KIAA0319L: variants seen among roughly 807,000 people sequenced by gnomAD.
KIAA0319L encodes dyslexia-associated protein KIAA0319-like protein.
A neutral mutation model predicts 120.1 loss-of-function variants in KIAA0319L; 55 were observed. That is an observed-to-expected ratio of 0.46 (90% CI 0.37 to 0.57). The LOEUF (loss-of-function observed/expected upper bound fraction) is 0.57, where lower values mean the gene tolerates loss of function less well. Ranked by LOEUF, KIAA0319L falls within the 20% of genes least tolerant of loss-of-function variation. KIAA0319L has a pLI of 0.00. For synonymous variants in KIAA0319L, 398 were observed against 471.9 expected (o/e 0.84, Z 2.03); for missense variants, 1,049 against 1,255.3 (o/e 0.84, Z 2.48).
intron 2 of KIAA0319L, among the ~76,000 whole-genome samples, chr1:35,540,097 G>C (rs1646733469): frequency 6.6e-6 from 1 of 152,202 alleles, no homozygotes; most frequent in South Asian, 2.1e-4. Context: ...ATCTGCTGAG[G>C]GAGTTTAAAA....
chr1:35,555,114 G>T (rs976646718), intron 1 of KIAA0319L: 1 of 152,042 alleles, frequency 6.6e-6, no homozygotes, highest in African/African-American at 2.4e-5. Context: ...AGATACTTAC[G>T]TCAGGCACTA....
intron 2 of KIAA0319L, among the ~76,000 whole-genome samples, chr1:35,539,075 T>G (rs561212921): frequency 1.8e-4 from 28 of 152,262 alleles, no homozygotes; most frequent in African/African-American, 6.7e-4. Flanking sequence ...CTCTCTTTCT[T>G]TGACACACAC....
chr1:35,503,230 T>G (rs1558506274), intron 3 of KIAA0319L, among the ~76,000 whole-genome samples: 1 of 152,198 alleles, frequency 6.6e-6, no homozygotes, highest in Non-Finnish European at 1.5e-5. Context: ...ACAATTTCCT[T>G]CTACCCAGTA....
rs578150903 is a variant in KIAA0319L, at chr1:35,517,098, T to C, written c.143-9963A>G. On this transcript the variant is annotated intron_variant, in intron 2 of 20. Coordinates refer to ENST00000325722, the MANE Select transcript of KIAA0319L (RefSeq NM_024874.5). ...TGGAAAAACATGCCATGCTCATGAA[T>C]AGGAAGAATCAATATCATTAAAATG... Among the ~76,000 whole-genome samples, 8 of 152,230 alleles carry C rather than the reference T, an allele frequency of 5.3e-5. No individual in the cohort carries two copies. The South Asian group carries it at 1.7e-3, about 32-fold the overall frequency.
intron 2 of KIAA0319L, among the ~76,000 whole-genome samples, chr1:35,544,770 A>C (rs1646920770): frequency 6.6e-6 from 1 of 152,212 alleles, no homozygotes; most frequent in South Asian, 2.1e-4. Flanking sequence ...GCCATAATGG[A>C]GTAGCTGATA....
At chr1:35,515,672 C>G (rs946190355) in intron 2 of KIAA0319L, among the ~76,000 whole-genome samples, 2 of 151,934 alleles carry the variant, frequency 1.3e-5, no homozygotes, top group African/African-American at 4.8e-5. Context: ...AAATCAAACC[C>G]AAAGCTAGTA....
chr1:35,507,830 A>G (rs887451198), intron 2 of KIAA0319L, among the ~76,000 whole-genome samples: 11 of 152,248 alleles, frequency 7.2e-5, no homozygotes, highest in African/African-American at 2.2e-4. Flanking sequence ...TCATGTCATG[A>G]TAAGAAATAA....
intron 15 of KIAA0319L, 37 bp downstream of exon 15, chr1:35,449,830 A>G: frequency 6.2e-7 from 1 of 1,609,776 alleles, no homozygotes; most frequent in Non-Finnish European, 8.5e-7. Context: ...TGGCTGATTC[A>G]GCAATTCTAC....
chr1:35,539,385 C>A (rs1197444653), intron 2 of KIAA0319L, among the ~76,000 whole-genome samples: 1 of 152,230 alleles, frequency 6.6e-6, no homozygotes, highest in Admixed American at 6.5e-5. Flanking sequence ...GGGGCCAACT[C>A]CTCCCTTTAA....
intron 3 of KIAA0319L, among the ~76,000 whole-genome samples, chr1:35,486,591 A>C (rs1258295315): frequency 6.6e-6 from 1 of 151,582 alleles, no homozygotes; most frequent in Admixed American, 6.6e-5. Flanking sequence ...GAAATTCTTC[A>C]TCTGTTTACT....
intron 3 of KIAA0319L, among the ~76,000 whole-genome samples, chr1:35,501,345 T>C (rs139127275): frequency 2.0e-5 from 3 of 152,298 alleles, no homozygotes; most frequent in African/African-American, 7.2e-5. Context: ...TATCCTATAG[T>C]ATGCTGGAGG....
At chr1:35,466,146 T>C (rs2149115738) in intron 7 of KIAA0319L, among the ~76,000 whole-genome samples, 1 of 152,336 alleles carries the variant, frequency 6.6e-6, no homozygotes, top group South Asian at 2.1e-4. Context: ...TTTAAAAGAA[T>C]GACATGATTT....
intron 20 of KIAA0319L, chr1:35,440,139 C>T (rs1306521701): frequency 6.6e-6 from 1 of 152,138 alleles, no homozygotes; most frequent in Non-Finnish European, 1.5e-5. Context: ...TTTCAAGCCC[C>T]ACCACCTCCA....
intron 6 of KIAA0319L, among the ~76,000 whole-genome samples, chr1:35,470,260 A>T (rs549086712): frequency 6.6e-6 from 1 of 152,176 alleles, no homozygotes; most frequent in African/African-American, 2.4e-5. Flanking sequence ...TGGAAGGCTG[A>T]GATGGGAGGA....
intron 2 of KIAA0319L, among the ~76,000 whole-genome samples, chr1:35,547,261 T>C (rs1269389884): frequency 6.7e-6 from 1 of 148,508 alleles, no homozygotes; most frequent in African/African-American, 2.5e-5. Context: ...ATTGCATATA[T>C]ATTTTACTAT....
chr1:35,551,875 C>T (rs6702932), intron 2 of KIAA0319L, among the ~76,000 whole-genome samples: 11,873 of 152,132 alleles, frequency 0.078, 1,114 homozygotes, highest in East Asian at 0.44. Flanking sequence ...AATTAGGGTG[C>T]TGTTTTTAAG....
At chr1:35,518,977 CAA>C (rs766877681) in intron 2 of KIAA0319L, among the ~76,000 whole-genome samples, 38 of 59,748 alleles carry the variant, frequency 6.4e-4, no homozygotes, top group African/African-American at 9.5e-4. Flanking sequence ...GACTCTGTCT[CAA>C]AAAAAAAAAA....
chr1:35,546,129 G>A (rs543849966), intron 2 of KIAA0319L, among the ~76,000 whole-genome samples: 1 of 152,266 alleles, frequency 6.6e-6, no homozygotes, highest in South Asian at 2.1e-4. Flanking sequence ...TGAGCACACA[G>A]GTTACAAGTG....
At chr1:35,555,726 G>T (rs571177012) in intron 1 of KIAA0319L, among the ~76,000 whole-genome samples, 1 of 152,326 alleles carries the variant, frequency 6.6e-6, no homozygotes, top group South Asian at 2.1e-4. Flanking sequence ...GCATGTATGG[G>T]TGTGTATGAA....
Sources: gnomAD v4.1 joint callset for allele counts (sites outside exome capture counted in the v4.1 genomes callset) on GRCh38, gnomAD v4.1.1 for gene constraint, MANE v1.5 for transcripts, NCBI Gene and HGNC (gene_info 2026-07-23, HGNC 2026-07-21) for gene names.